The following UNC5D variants were observed in gnomAD, a reference collection of about 807,000 sequenced individuals.
UNC5D encodes the protein netrin receptor UNC5D.
Under a neutral mutation model 105.4 loss-of-function variants are expected in UNC5D, and 39 were observed. That is an observed-to-expected ratio of 0.37 (90% CI 0.29 to 0.48). UNC5D has a LOEUF of 0.48. Ranked by LOEUF, UNC5D falls within the 20% of genes least tolerant of loss-of-function variation. The pLI, the probability that UNC5D is intolerant of heterozygous loss-of-function variation, is 0.98. For missense variants in UNC5D, 991 were observed against 1,202.4 expected (o/e 0.82, Z 2.60); for synonymous variants, 452 against 450.4 (o/e 1.00, Z -0.04).
intron 1 of UNC5D, chr8:35,525,752 A>G: frequency 6.4e-7 from 1 of 1,559,716 alleles, no homozygotes. Flanking sequence ...ACTCGCCCGG[A>G]GGAGCCGCCA....
At chr8:35,388,913 A>C (rs905533402) in intron 1 of UNC5D, among the ~76,000 whole-genome samples, 5 of 152,184 alleles carry the variant, frequency 3.3e-5, no homozygotes, top group African/African-American at 1.2e-4. Flanking sequence ...GAAAAAATAG[A>C]GCTCTAATGT....
At chr8:35,374,201 C>T (rs1802569003) in intron 1 of UNC5D, among the ~76,000 whole-genome samples, 1 of 152,112 alleles carries the variant, frequency 6.6e-6, no homozygotes, top group African/African-American at 2.4e-5. Context: ...CTGTTTAGTG[C>T]AAGATGTAAT....
chr8:35,369,881 G>A (rs745339360), intron 1 of UNC5D, among the ~76,000 whole-genome samples: 2 of 152,150 alleles, frequency 1.3e-5, no homozygotes, highest in Non-Finnish European at 2.9e-5. Flanking sequence ...CATGATGTAA[G>A]CAATGGAGAA....
At chr8:35,673,121 A>G (rs1824935948) in intron 4 of UNC5D, among the ~76,000 whole-genome samples, 1 of 152,234 alleles carries the variant, frequency 6.6e-6, no homozygotes, top group South Asian at 2.1e-4. Context: ...TCAGATAAGT[A>G]GAGCTAAATT....
intron 1 of UNC5D, among the ~76,000 whole-genome samples, chr8:35,455,605 CTTG>C (rs1025888214): frequency 2.8e-4 from 42 of 151,566 alleles, no homozygotes; most frequent in Middle Eastern, 3.4e-3. Flanking sequence ...ATTCTAATAT[CTTG>C]TTGTATTCAT....
At chr8:35,525,163 C>T in intron 1 of UNC5D, 1 of 1,608,986 alleles carries the variant, frequency 6.2e-7, no homozygotes, top group Non-Finnish European at 8.5e-7. Context: ...AAGAGTCCTC[C>T]ATGTGTACGG....
intron 3 of UNC5D, 139 bp from the exon 4 acceptor site, chr8:35,595,415 G>T (rs1819429624): frequency 1.4e-6 from 1 of 691,812 alleles, no homozygotes; most frequent in Non-Finnish European, 2.5e-6. Context: ...TCTTATTCTA[G>T]AATTCCTGGA....
At chr8:35,280,813 C>G (rs1806097223) in intron 1 of UNC5D, among the ~76,000 whole-genome samples, 1 of 152,232 alleles carries the variant, frequency 6.6e-6, no homozygotes, top group Middle Eastern at 3.4e-3. Context: ...GGTTACCTTC[C>G]CCATAGATTC....
chr8:35,525,846 TTA>T, intron 1 of UNC5D: 1 of 1,322,670 alleles, frequency 7.6e-7, no homozygotes, highest in Non-Finnish European at 1.0e-6. Context: ...TCAAAGGCAT[TTA>T]GTCATAGTAA....
intron 3 of UNC5D, among the ~76,000 whole-genome samples, chr8:35,571,154 G>A (rs1817694684): frequency 1.3e-5 from 2 of 152,106 alleles, no homozygotes; most frequent in Non-Finnish European, 2.9e-5. Flanking sequence ...CCTAGCCCCA[G>A]AGAACACTGT....
At chr8:35,490,538 A>G (rs895675646) in intron 1 of UNC5D, among the ~76,000 whole-genome samples, 1 of 152,080 alleles carries the variant, frequency 6.6e-6, no homozygotes, top group Non-Finnish European at 1.5e-5. Flanking sequence ...AAAAAAAAAA[A>G]TTAAAAAAGA....
At chr8:35,282,722 A>AAAAG (rs1311960201) in intron 1 of UNC5D, among the ~76,000 whole-genome samples, 1 of 151,482 alleles carries the variant, frequency 6.6e-6, no homozygotes, top group East Asian at 1.9e-4. Context: ...AAAAAAAAAA[A>AAAAG]AGCAACCCAA....
intron 10 of UNC5D, among the ~76,000 whole-genome samples, chr8:35,728,071 T>TAAAAA (rs71215643): frequency 2.7e-4 from 11 of 41,016 alleles, no homozygotes; most frequent in African/African-American, 5.6e-4. Context: ...TTGCTGTCTC[T>TAAAAA]AAAAAAAAAA....
In UNC5D at chr8:35,600,688, T is replaced by C. The variant is rs112570168; in HGVS notation, c.570+5031T>C. Among the ~76,000 whole-genome samples, 1,007 of 152,310 alleles carry C rather than the reference T, an allele frequency of 6.6e-3. 14 individuals carry two copies. Among genetic ancestry groups the C allele is most frequent in the African/African-American group, 0.022 (924 of 41,556 alleles). On this transcript the variant is annotated intron_variant, in intron 4 of 16. Transcript: ENST00000404895. ...AAATTTCTTTGAGTTCATTGTAGAT[T>C]CTGGATATTAGCCCTTTGTCAGATG...
At position 35,401,312 on chromosome 8, in the gene UNC5D, C is replaced by G. The variant is rs573194016; in HGVS notation, c.104-147980C>G. On this transcript the variant is annotated intron_variant, in intron 1 of 16. Coordinates refer to ENST00000404895, the MANE Select transcript of UNC5D (RefSeq NM_080872.4). The stretch of plus-strand genomic sequence containing the variant: ...CAGCTTGGCCAACATAATGAAATCC[C>G]GTCTCTACTAAAAATATAAAAATTA... 4.6e-5 allele frequency among the ~76,000 whole-genome samples: 7 copies of G among 152,128 alleles called. 1 individual carries two copies. Among genetic ancestry groups the G allele is most frequent in the African/African-American group, 1.7e-4 (7 of 41,514 alleles).
In UNC5D at chr8:35,384,039, C is replaced by A. The variant is rs561910719; in HGVS notation, c.103+148152C>A. ...GACCATCCTGGCTAACATGGTGAAA[C>A]CCTGTCTGTACTAAAAATACAAAAA... On this transcript the variant is annotated intron_variant, in intron 1 of 16. Transcript: ENST00000404895. Among the ~76,000 whole-genome samples, 216 of 152,096 alleles carry A rather than the reference C, an allele frequency of 1.4e-3. 2 individuals are homozygous for A. Among genetic ancestry groups the A allele is most frequent in the South Asian group, 3.7e-3 (18 of 4,812 alleles).
intron 16 of UNC5D, among the ~76,000 whole-genome samples, chr8:35,778,621 C>T (rs545533695): frequency 2.0e-5 from 3 of 152,280 alleles, no homozygotes; most frequent in Admixed American, 2.0e-4. Flanking sequence ...AGTTCACCTA[C>T]CTTAATCTTG....
chr8:35,505,372 A>T (rs1812246940), intron 1 of UNC5D, among the ~76,000 whole-genome samples: 1 of 145,586 alleles, frequency 6.9e-6, no homozygotes, highest in Non-Finnish European at 1.5e-5. Flanking sequence ...TTGAATGGCC[A>T]CTCTTCTTGC....
intron 1 of UNC5D, among the ~76,000 whole-genome samples, chr8:35,379,250 T>C: frequency 6.6e-6 from 1 of 152,174 alleles, no homozygotes; most frequent in East Asian, 1.9e-4. Context: ...GACCCCTGAC[T>C]TTCTCTTCAG....
Sources: allele counts gnomAD v4.1 joint callset (sites outside exome capture counted in the v4.1 genomes callset), GRCh38; gene constraint gnomAD v4.1.1; transcripts MANE v1.5; gene names NCBI Gene and HGNC (gene_info 2026-07-23, HGNC 2026-07-21).